The following EPC1 variants were observed in gnomAD, a reference collection of about 807,000 sequenced individuals.
EPC1 encodes the protein enhancer of polycomb 1.
Under a neutral mutation model 98.4 loss-of-function variants are expected in EPC1, and 12 were observed. The ratio of observed to expected loss-of-function variants is 0.12; its 90% CI spans 0.08 to 0.20. EPC1 has a LOEUF of 0.20. Ranked by LOEUF, EPC1 falls within the 10% of genes least tolerant of loss-of-function variation. The pLI, the probability that EPC1 is intolerant of heterozygous loss-of-function variation, is 1.00. For synonymous variants in EPC1, 357 were observed against 363.9 expected (o/e 0.98, Z 0.21); for missense variants, 729 against 990.5 (o/e 0.74, Z 3.54).
intron 1 of EPC1, among the ~76,000 whole-genome samples, chr10:32,311,893 G>GTA (rs1340595611): frequency 6.6e-6 from 1 of 152,210 alleles, no homozygotes; most frequent in African/African-American, 2.4e-5. Context: ...GGTGAATAAG[G>GTA]TAGGCACTGT....
chr10:32,273,769 T>C (rs146294901), intron 10 of EPC1, among the ~76,000 whole-genome samples: 2 of 152,298 alleles, frequency 1.3e-5, no homozygotes, highest in East Asian at 3.9e-4. Flanking sequence ...TATTTTCTAA[T>C]TGTAGTCATT....
At chr10:32,362,858 T>G (rs2490516) in intron 1 of EPC1, among the ~76,000 whole-genome samples, 80,573 of 151,908 alleles carry the variant, frequency 0.53, 23,322 homozygotes, top group East Asian at 0.7. Flanking sequence ...GCTGCAGAAG[T>G]GAAGCAGTAC....
At chr10:32,364,859 A>G (rs1040114259) in intron 1 of EPC1, among the ~76,000 whole-genome samples, 69 of 151,872 alleles carry the variant, frequency 4.5e-4, no homozygotes, top group African/African-American at 1.4e-3. Flanking sequence ...AATGCAGCCC[A>G]GCACAAATTC....
chr10:32,342,880 C>A (rs1344266956), intron 1 of EPC1, among the ~76,000 whole-genome samples: 1 of 152,086 alleles, frequency 6.6e-6, no homozygotes, highest in Non-Finnish European at 1.5e-5. Context: ...ACATAAAGCT[C>A]CAATTTTAAT....
At chr10:32,360,726 T>TA (rs1260686567) in intron 1 of EPC1, among the ~76,000 whole-genome samples, 1 of 152,086 alleles carries the variant, frequency 6.6e-6, no homozygotes, top group African/African-American at 2.4e-5. Flanking sequence ...AAACCCCGTC[T>TA]CTACTAAAAA....
chr10:32,285,060 A>G lies in EPC1; in HGVS notation c.1392-10T>C. ...TCTGTCCAGTAAGACCCTATTAAAAAATCAGACAAGAAACAGTTATTTAAA... is the reference window on the plus strand; with the variant it reads ...TCTGTCCAGTAAGACCCTATTAAAAGATCAGACAAGAAACAGTTATTTAAA... On this transcript the variant is annotated splice_polypyrimidine_tract_variant and intron_variant, in intron 9 of 13. Transcript: ENST00000319778. The G allele has an allele frequency of 6.3e-7, 1 of 1,591,026 alleles. No individual in the cohort carries two copies. The highest frequency in any genetic ancestry group is 1.3e-5 in the African/African-American group (1 of 74,090).
intron 1 of EPC1, among the ~76,000 whole-genome samples, chr10:32,320,219 C>T (rs568325076): frequency 6.6e-6 from 1 of 150,486 alleles, no homozygotes; most frequent in East Asian, 2.0e-4. Flanking sequence ...AAGCTAAGAG[C>T]AAAAGGACTT....
At chr10:32,284,290 G>GTT (rs1240823146) in intron 10 of EPC1, 1 of 159,908 alleles carries the variant, frequency 6.3e-6, no homozygotes, top group Non-Finnish European at 1.4e-5. Flanking sequence ...AACATATAAG[G>GTT]TTATGCATAT....
chr10:32,328,872 G>A (rs1206844743), intron 1 of EPC1, among the ~76,000 whole-genome samples: 4 of 152,144 alleles, frequency 2.6e-5, no homozygotes, highest in Non-Finnish European at 4.4e-5. Flanking sequence ...GTGGTTGCAG[G>A]TAACATTTTT....
chr10:32,271,178 G>T (rs576640363), intron 13 of EPC1, among the ~76,000 whole-genome samples: 40 of 152,062 alleles, frequency 2.6e-4, no homozygotes, highest in African/African-American at 7.7e-4. Context: ...TTTAGTAGAG[G>T]TGGCCTTTCA....
At chr10:32,361,971 C>A (rs1839455841) in intron 1 of EPC1, among the ~76,000 whole-genome samples, 1 of 152,188 alleles carries the variant, frequency 6.6e-6, no homozygotes, top group Admixed American at 6.5e-5. Context: ...GCTACACTCC[C>A]ACCAGCATCA....
Position 32,347,067 on chromosome 10 carries a change from G to A in EPC1, c.-152C>T. On this transcript the variant is annotated 5_prime_UTR_variant, in exon 1 of 14. Coordinates refer to ENST00000319778, the MANE Select transcript of EPC1 (RefSeq NM_001272004.3). ...CGCCGTCCGGGCACTAACACCAGCC[G>A]GGAGGGTGGGAGGCTGTGCCGCTCC... 1 of 1,455,146 alleles carries A rather than the reference G, an allele frequency of 6.9e-7. No individual in the cohort carries two copies. Among genetic ancestry groups the A allele is most frequent in the East Asian group, 2.5e-5 (1 of 40,352 alleles). The allele number at this position is 1,455,146 out of a possible 1,614,324, so 90.1% of individuals were successfully genotyped here. A position where few individuals can be genotyped will look rare whatever the true frequency, so the allele number is the denominator to read the frequency against.
intron 1 of EPC1, among the ~76,000 whole-genome samples, chr10:32,353,087 G>A (rs865922899): frequency 1.4e-4 from 21 of 151,738 alleles, no homozygotes; most frequent in Middle Eastern, 3.4e-3. Flanking sequence ...CCAAGGAGGC[G>A]GAGGTTGCAA....
intron 1 of EPC1, among the ~76,000 whole-genome samples, chr10:32,377,791 C>T (rs1341905317): frequency 1.3e-5 from 2 of 151,780 alleles, no homozygotes; most frequent in African/African-American, 4.8e-5. Context: ...CAAAAAAGAT[C>T]TCCCACCGTG....
chr10:32,304,359 T>C (rs554842335), intron 2 of EPC1, among the ~76,000 whole-genome samples: 1 of 152,302 alleles, frequency 6.6e-6, no homozygotes, highest in African/African-American at 2.4e-5. Context: ...CAGAACAGAA[T>C]GTGGTTTTAG....
In EPC1 at chr10:32,275,700, G is replaced by A. The variant is rs182986049; in HGVS notation, c.1745-2419C>T. On this transcript the variant is annotated intron_variant, in intron 10 of 13. Coordinates refer to ENST00000319778, the MANE Select transcript of EPC1 (RefSeq NM_001272004.3). ...TGAGGCAGGAGAATGGTGTGAACCC[G>A]GGAGGCGAAGCTTGCAGTGAGCCGA... 3.4e-3 allele frequency among the ~76,000 whole-genome samples: 510 copies of A among 151,944 alleles called. 3 individuals carry two copies. The highest frequency in any genetic ancestry group is 0.012 in the African/African-American group (495 of 41,376).
At chr10:32,341,156 C>T (rs1330381110) in intron 1 of EPC1, among the ~76,000 whole-genome samples, 5 of 152,148 alleles carry the variant, frequency 3.3e-5, no homozygotes, top group African/African-American at 9.7e-5. Context: ...ATTATTGCTC[C>T]CTTAAAATGC....
At chr10:32,284,578 T>A (rs78976761) in intron 10 of EPC1, 120 bp downstream of exon 10, 1 of 781,846 alleles carries the variant, frequency 1.3e-6, no homozygotes. Flanking sequence ...ATTTTTTTTT[T>A]AACTGTTTAA....
At chr10:32,324,880 C>A (rs1393006071) in intron 1 of EPC1, among the ~76,000 whole-genome samples, 1 of 152,090 alleles carries the variant, frequency 6.6e-6, no homozygotes, top group Non-Finnish European at 1.5e-5. Context: ...GTAGTCCCAG[C>A]CACTTGCGAG....
Sources: gnomAD v4.1 joint callset for allele counts (sites outside exome capture counted in the v4.1 genomes callset) on GRCh38, gnomAD v4.1.1 for gene constraint, MANE v1.5 for transcripts, NCBI Gene and HGNC (gene_info 2026-07-23, HGNC 2026-07-21) for gene names.